The following ITSN2 variants were observed in gnomAD, a reference collection of about 807,000 sequenced individuals.
ITSN2 encodes intersectin 2.
ITSN2 carries 156 observed loss-of-function variants against 243.7 expected under a neutral mutation model. The observed-to-expected ratio is 0.64, with a 90% confidence interval of 0.56 to 0.73. ITSN2 has a LOEUF of 0.73. Ranked by LOEUF, ITSN2 falls within the 30% of genes least tolerant of loss-of-function variation. The pLI, the probability that ITSN2 is intolerant of heterozygous loss-of-function variation, is 0.00. For synonymous variants in ITSN2, 703 were observed against 699.9 expected (o/e 1.00, Z -0.07); for missense variants, 1,801 against 1,996.1 (o/e 0.90, Z 1.86).
rs2151100358 is a variant in ITSN2, at chr2:24,210,828, G to A, written c.4209C>T (p.Asp1403=). The A allele has an allele frequency of 1.2e-6, 2 of 1,614,068 alleles. No individual in the cohort carries two copies. The highest frequency in any genetic ancestry group is 1.3e-5 in the African/African-American group (1 of 75,028). The part of the protein sequence containing the change: ...NEGVREKENS[D]RLEWIQAHVQ... Reference sequence around the variant, plus strand: ...CGTGCGCCTGGATCCACTCCAGTCGGTCCGAGTTTTCCTTCTCCCGAACTC... The same window carrying A: ...CGTGCGCCTGGATCCACTCCAGTCGATCCGAGTTTTCCTTCTCCCGAACTC... Residue 1403 remains aspartate, a synonymous_variant, in exon 34 of 40, where the codon GAC becomes GAT. Transcript: ENST00000355123.
At chr2:24,307,018 A>T (rs1558596414) in intron 8 of ITSN2, among the ~76,000 whole-genome samples, 1 of 152,058 alleles carries the variant, frequency 6.6e-6, no homozygotes, top group Non-Finnish European at 1.5e-5. Context: ...GTTGGCCAGG[A>T]TGGTCTCGAT....
chr2:24,261,177 T>G lies in ITSN2; in HGVS notation c.2611A>C (p.Thr871Pro). 1 of 1,613,068 alleles carries G rather than the reference T, an allele frequency of 6.2e-7. No homozygotes were observed. Among genetic ancestry groups the G allele is most frequent in the Non-Finnish European group, 8.5e-7 (1 of 1,179,064 alleles). ...NVSFSNLTVNTSWQKKSAFTR... is the reference protein window; with the variant it reads ...NVSFSNLTVNPSWQKKSAFTR... The stretch of plus-strand genomic sequence containing the variant: ...AAGGCTGATTTTTTCTGCCATGATG[T>G]ATTTACAGTTAGGTTTGAAAAAGAT... Residue 871 changes from threonine (T) to proline (P), a missense_variant, in exon 22 of 40, where the codon ACA becomes CCA. Physicochemically the swap from Thr to Pro is conservative, Grantham distance 38. Coordinates refer to ENST00000355123, the MANE Select transcript of ITSN2 (RefSeq NM_006277.3).
Position 24,286,239 on chromosome 2 carries a change from T to C in ITSN2, c.1836A>G (p.Glu612=), listed in dbSNP as rs775238769. The change falls in exon 16 of 40, where the codon GAA becomes GAG. Residue 612 remains glutamate (E), a synonymous_variant. Transcript: ENST00000355123. The part of the protein sequence containing the change: ...LEKETASKLS[E]MDSFNNQLKC... ...TTAGTTGATTGTTAAAAGAATCCAT[T>C]TCTGACAGCTTAGATGCAGTTTCTT... is the stretch of plus-strand genomic sequence containing the variant. The C allele has an allele frequency of 1.6e-5, 25 of 1,597,924 alleles. No individual in the cohort carries two copies. Among genetic ancestry groups the C allele is most frequent in the Non-Finnish European group, 1.8e-5 (21 of 1,168,740 alleles).
intron 1 of ITSN2, among the ~76,000 whole-genome samples, chr2:24,356,574 T>G (rs1462442935): frequency 1.3e-5 from 2 of 150,928 alleles, no homozygotes; most frequent in African/African-American, 4.9e-5. Context: ...CCAACAAACA[T>G]GAAAAAAGGC....
At chr2:24,274,857 T>C (rs1442430886) in intron 18 of ITSN2, among the ~76,000 whole-genome samples, 4 of 152,214 alleles carry the variant, frequency 2.6e-5, no homozygotes, top group Non-Finnish European at 5.9e-5. Flanking sequence ...GGTTCATCCA[T>C]ATTTGTTAAC....
At chr2:24,215,296 ACT>A (rs1669851411) in intron 32 of ITSN2, among the ~76,000 whole-genome samples, 1 of 151,868 alleles carries the variant, frequency 6.6e-6, no homozygotes, top group East Asian at 1.9e-4. Context: ...TTTGTTTCCT[ACT>A]CTCATTTCCT....
chr2:24,274,387 CAG>C (rs1677762644), intron 18 of ITSN2, among the ~76,000 whole-genome samples: 1 of 152,076 alleles, frequency 6.6e-6, no homozygotes, highest in Non-Finnish European at 1.5e-5. Context: ...CTGAGCAACA[CAG>C]AGAGGCCTCA....
intron 2 of ITSN2, among the ~76,000 whole-genome samples, chr2:24,317,892 T>C (rs755405658): frequency 6.6e-6 from 1 of 152,206 alleles, no homozygotes; most frequent in Non-Finnish European, 1.5e-5. Flanking sequence ...ATTGGACCTT[T>C]GTTCCCTCTC....
In ITSN2 at chr2:24,216,186, G is replaced by A. The variant is rs1435238402; in HGVS notation, c.3853C>T (p.Gln1285Ter). The A allele has an allele frequency of 1.6e-5, 25 of 1,610,174 alleles. No homozygotes were observed. The highest frequency in any genetic ancestry group is 2.1e-5 in the Non-Finnish European group (25 of 1,178,070). The change falls in exon 32 of 40, where the codon CAG (glutamine) becomes TAG (stop). Residue 1285 changes from glutamine (Q) to a stop codon, truncating the protein, a stop_gained. Coordinates refer to ENST00000355123, the MANE Select transcript of ITSN2 (RefSeq NM_006277.3). LOFTEE classifies it high-confidence loss of function. ...KKTGGEKMPVQMIGDILAAEL... is the reference protein window; with the variant it reads ...KKTGGEKMPV Reference sequence around the variant, plus strand: ...GCGGCCAGGATGTCCCCAATCATCTGCACCGGCATCTTCTCGCCCCCGGTC... The same window carrying A: ...GCGGCCAGGATGTCCCCAATCATCTACACCGGCATCTTCTCGCCCCCGGTC...
At chr2:24,324,874 A>G (rs1340062547) in intron 2 of ITSN2, among the ~76,000 whole-genome samples, 1 of 151,102 alleles carries the variant, frequency 6.6e-6, no homozygotes, top group Non-Finnish European at 1.5e-5. Context: ...AAAAAAAAAA[A>G]AAAAATGAAC....
At chr2:24,343,845 C>T (rs1322833967) in intron 1 of ITSN2, among the ~76,000 whole-genome samples, 1 of 152,164 alleles carries the variant, frequency 6.6e-6, no homozygotes, top group East Asian at 1.9e-4. Context: ...TTTCCCTTAA[C>T]TAAGCTTTCC....
At chr2:24,233,018 C>T (rs1282942649) in intron 29 of ITSN2, among the ~76,000 whole-genome samples, 1 of 152,222 alleles carries the variant, frequency 6.6e-6, no homozygotes, top group Non-Finnish European at 1.5e-5. Flanking sequence ...TTCCCTTACA[C>T]ACCCTTCTAC....
chr2:24,296,590 T>C lies in ITSN2; in HGVS notation c.1495-786A>G, dbSNP rs191175380. 2.6e-5 allele frequency among the ~76,000 whole-genome samples: 4 copies of C among 152,116 alleles called. No individual in the cohort carries two copies. The East Asian group carries it at 7.7e-4, about 29-fold the overall frequency. On this transcript the variant is annotated intron_variant, in intron 13 of 39. Coordinates refer to ENST00000355123, the MANE Select transcript of ITSN2 (RefSeq NM_006277.3). ...TAAAATACACTCAGAGAAAACACCA[T>C]ATAAGGACACAATGAAAGATGGCCA...
At chr2:24,239,264 T>C (rs1573967105) in intron 29 of ITSN2, 3 of 152,464 alleles carry the variant, frequency 2.0e-5, no homozygotes, top group African/African-American at 7.2e-5. Flanking sequence ...AAATAAAGCT[T>C]TGGACTGGAA....
chr2:24,271,853 T>A lies in ITSN2; in HGVS notation c.2170A>T (p.Thr724Ser). 1.2e-6 allele frequency: 2 copies of A among 1,610,966 alleles called. No individual in the cohort carries two copies. Among genetic ancestry groups the A allele is most frequent in the Non-Finnish European group, 1.7e-6 (2 of 1,179,414 alleles). The change falls in exon 19 of 40, where the codon ACA (threonine) becomes TCA (serine). Residue 724 changes from threonine to serine, a missense_variant. This residue lies in a region of ITSN2 where 787 missense variants were observed against 803.9 expected (regional missense o/e 0.98). Transcript: ENST00000355123. The stretch of plus-strand genomic sequence containing the variant: ...TCCTCTTCTTGAATTTTTTCTTGTG[T>A]TTTTTCTTCCTGGAGTCGCTTTTGT... Reference protein sequence around the residue: ...EKQKRLQEEKTQEKIQEEERK... With the variant: ...EKQKRLQEEKSQEKIQEEERK...
At chr2:24,331,271 CTA>C (rs1685752472) in intron 1 of ITSN2, among the ~76,000 whole-genome samples, 1 of 151,468 alleles carries the variant, frequency 6.6e-6, no homozygotes, top group African/African-American at 2.4e-5. Context: ...TGGGGTTTCA[CTA>C]TGTTAGCCAG....
At chr2:24,253,973 A>C (rs1674691645) in intron 24 of ITSN2, among the ~76,000 whole-genome samples, 1 of 152,234 alleles carries the variant, frequency 6.6e-6, no homozygotes, top group Non-Finnish European at 1.5e-5. Flanking sequence ...CTTATGATAA[A>C]GTATACCTTG....
At chr2:24,262,515 C>G (rs1204887994) in intron 20 of ITSN2, among the ~76,000 whole-genome samples, 3 of 152,198 alleles carry the variant, frequency 2.0e-5, no homozygotes, top group African/African-American at 7.2e-5. Flanking sequence ...TTTCATCCTA[C>G]AGTGTGACAT....
intron 36 of ITSN2, 88 bp from the exon 37 acceptor site, chr2:24,208,407 C>T (rs1669136349): frequency 1.1e-6 from 1 of 950,254 alleles, no homozygotes; most frequent in Non-Finnish European, 1.7e-6. Context: ...GTTCTTCAGT[C>T]TTTTGCTAAC....
Sources: allele counts gnomAD v4.1 joint callset (sites outside exome capture counted in the v4.1 genomes callset), GRCh38; gene constraint gnomAD v4.1.1; regional missense constraint gnomAD v4.1.1; transcripts MANE v1.5; gene names NCBI Gene and HGNC (gene_info 2026-07-23, HGNC 2026-07-21).